Variants in ABR observed in about 807,000 individuals in gnomAD.
ABR encodes active breakpoint cluster region-related protein.
A neutral mutation model predicts 107.2 loss-of-function variants in ABR; 35 were observed. The ratio of observed to expected loss-of-function variants is 0.33; its 90% confidence interval spans 0.25 to 0.43. The LOEUF is 0.43. Among genes scored for constraint, ABR ranks in the 20% least tolerant of loss-of-function variants. The pLI, the probability that ABR is intolerant of heterozygous loss-of-function variation, is 1.00. For synonymous variants in ABR, 498 were observed against 462.0 expected, an observed-to-expected ratio of 1.08 and a Z score of -1.00; for missense variants, 815 against 1,115.2, an observed-to-expected ratio of 0.73 and a Z score of 3.83.
At chr17:1,132,628 C>T (rs903872951) in intron 1 of ABR, among the ~76,000 whole-genome samples, 8 of 152,130 alleles carry the variant, frequency 5.3e-5, no homozygotes, top group Admixed American at 3.9e-4. Flanking sequence ...CCACCCACCT[C>T]GGCCTCCCAA....
intron 1 of ABR, among the ~76,000 whole-genome samples, chr17:1,204,895 CT>C (rs1279205764): frequency 2.3e-3 from 164 of 70,330 alleles, no homozygotes; most frequent in African/African-American, 7.1e-3. Flanking sequence ...TTTTCTTTTT[CT>C]TTTTCTTTTT....
At chr17:1,064,407 A>G (rs1170825436) in intron 10 of ABR, among the ~76,000 whole-genome samples, 12 of 108,412 alleles carry the variant, frequency 1.1e-4, no homozygotes, top group East Asian at 2.8e-4. Flanking sequence ...TCCTCTAGAC[A>G]CTGTTGTTAT....
chr17:1,085,684 A>G (rs2036550907), intron 4 of ABR, among the ~76,000 whole-genome samples: 2 of 152,216 alleles, frequency 1.3e-5, no homozygotes, highest in African/African-American at 4.8e-5. Flanking sequence ...CGTGCCGGAC[A>G]TGTAAAATAC....
At chr17:1,018,281 A>G (rs1025687456) in intron 16 of ABR, among the ~76,000 whole-genome samples, 11 of 149,704 alleles carry the variant, frequency 7.3e-5, no homozygotes, top group South Asian at 6.4e-4. Context: ...TGACCTCGTG[A>G]TTCGCCCACC....
chr17:1,167,454 C>T (rs115890386), intron 1 of ABR, among the ~76,000 whole-genome samples: 1 of 152,142 alleles, frequency 6.6e-6, no homozygotes, highest in Non-Finnish European at 1.5e-5. Context: ...CTGGGTGTTG[C>T]GGGGAAGGGA....
chr17:1,194,736 C>T lies in ABR; in HGVS notation c.838+34057G>A, dbSNP rs1180074292. Among the ~76,000 whole-genome samples the T allele has an allele frequency of 1.8e-4, 23 of 124,866 alleles. 4 individuals are homozygous for T. Among genetic ancestry groups the T allele is most frequent in the Admixed American group, 1.2e-3 (12 of 10,120 alleles). The allele number at this position is 124,866 out of a possible 152,430, so 81.9% of individuals were successfully genotyped here. On this transcript the variant is annotated intron_variant, in intron 1 of 22. Coordinates refer to the ABR transcript ENST00000574139. ...TGGTGCGGTCTCAGCTCACTGCAAC[C>T]TCCACCTCCCGGGTTCAAGCAATCC... is the stretch of plus-strand genomic sequence containing the variant.
intron 16 of ABR, among the ~76,000 whole-genome samples, chr17:1,033,677 C>T (rs1212281509): frequency 2.0e-5 from 3 of 152,316 alleles, no homozygotes; most frequent in Middle Eastern, 6.8e-3. Flanking sequence ...ACGTCACACG[C>T]ACCCCTGGAC....
intron 5 of ABR, among the ~76,000 whole-genome samples, chr17:1,079,808 A>C (rs1308383471): frequency 3.8e-5 from 4 of 105,060 alleles, no homozygotes; most frequent in Admixed American, 8.5e-5. Flanking sequence ...AAAAAAAAAA[A>C]AAAAAAAAAA....
At chr17:1,108,821 C>A in intron 2 of ABR, 1 of 840,652 alleles carries the variant, frequency 1.2e-6, no homozygotes, top group Non-Finnish European at 1.6e-6. Flanking sequence ...GACCCTCCGC[C>A]GAGGGCTTCC....
chr17:1,060,185 C>A (rs150540710), intron 10 of ABR, among the ~76,000 whole-genome samples: 2 of 151,864 alleles, frequency 1.3e-5, no homozygotes, highest in Non-Finnish European at 2.9e-5. Flanking sequence ...CCGAGGTGGG[C>A]GGATCGTTTG....
At chr17:1,122,749 C>T (rs747581212) in intron 2 of ABR, among the ~76,000 whole-genome samples, 19 of 152,184 alleles carry the variant, frequency 1.2e-4, no homozygotes, top group Admixed American at 5.2e-4. Flanking sequence ...TACTTTTCTT[C>T]GTATGTAGAT....
chr17:1,018,189 C>T (rs1321501220), intron 16 of ABR, among the ~76,000 whole-genome samples: 15 of 152,024 alleles, frequency 9.9e-5, no homozygotes, highest in Admixed American at 9.8e-4. Context: ...ACTACAGGCG[C>T]CCGCCACCAC....
intron 5 of ABR, 139 bp from the exon 6 acceptor site, chr17:1,079,529 C>T: frequency 1.3e-6 from 1 of 784,104 alleles, no homozygotes; most frequent in Middle Eastern, 2.3e-4. Flanking sequence ...CGGCTCACGC[C>T]AGTCATCCCA....
At chr17:1,133,791 A>C (rs1338071740) in intron 1 of ABR, among the ~76,000 whole-genome samples, 1 of 152,114 alleles carries the variant, frequency 6.6e-6, no homozygotes, top group Non-Finnish European at 1.5e-5. Flanking sequence ...CCCAGGCAAG[A>C]TACCCGCTTT....
intron 1 of ABR, among the ~76,000 whole-genome samples, chr17:1,139,504 G>A (rs1597948393): frequency 6.6e-6 from 1 of 151,328 alleles, no homozygotes; most frequent in Non-Finnish European, 1.5e-5. Flanking sequence ...CACCCGCCTC[G>A]GCCTCCCAAA....
At chr17:1,132,234 CAT>C (rs1191428522) in intron 1 of ABR, among the ~76,000 whole-genome samples, 1 of 152,012 alleles carries the variant, frequency 6.6e-6, no homozygotes, top group Non-Finnish European at 1.5e-5. Context: ...CACACACACA[CAT>C]ACACATATAT....
At chr17:1,134,570 A>G (rs1463839597) in intron 1 of ABR, among the ~76,000 whole-genome samples, 1 of 152,228 alleles carries the variant, frequency 6.6e-6, no homozygotes, top group Non-Finnish European at 1.5e-5. Context: ...TGCTGCTTAC[A>G]ATGAACACAT....
intron 16 of ABR, among the ~76,000 whole-genome samples, chr17:1,040,155 C>T (rs1044382882): frequency 6.6e-6 from 1 of 152,088 alleles, no homozygotes; most frequent in African/African-American, 2.4e-5. Context: ...GAGAGGGGGC[C>T]GGAGCTGGAA....
At chr17:1,113,578 C>T (rs1243905078) in intron 2 of ABR, among the ~76,000 whole-genome samples, 3 of 152,090 alleles carry the variant, frequency 2.0e-5, no homozygotes, top group Non-Finnish European at 2.9e-5. Context: ...TGAGACACGG[C>T]ACCTGGCCCA....
Sources: gnomAD v4.1 joint callset for allele counts (sites outside exome capture counted in the v4.1 genomes callset) on GRCh38, gnomAD v4.1.1 for gene constraint, MANE v1.5 for transcripts, NCBI Gene and HGNC (gene_info 2026-07-23, HGNC 2026-07-21) for gene names.